Variants in USP3 observed in about 807,000 individuals in gnomAD.
USP3 encodes ubiquitin specific peptidase 3.
USP3 carries 20 observed loss-of-function variants against 72.3 expected under a neutral mutation model. The observed-to-expected ratio is 0.28, with a 90% CI of 0.19 to 0.40. The LOEUF (loss-of-function observed/expected upper bound fraction) is 0.40. USP3 is among the 10% of genes least tolerant of loss of function. USP3 has a pLI of 1.00. For missense variants in USP3, 479 were observed against 633.9 expected, an observed-to-expected ratio of 0.76 and a Z score of 2.62; for synonymous variants, 222 against 225.3, an observed-to-expected ratio of 0.99 and a Z score of 0.13.
intron 11 of USP3, among the ~76,000 whole-genome samples, chr15:63,585,226 A>G (rs1017506300): frequency 6.6e-6 from 1 of 152,166 alleles, no homozygotes; most frequent in African/African-American, 2.4e-5. Flanking sequence ...TTGAGAGTCC[A>G]TGTGAGTTTC....
In USP3 at chr15:63,570,544, G is replaced by A. The variant is rs372160322; in HGVS notation, c.873G>A (p.Glu291=). 2.5e-6 allele frequency: 4 copies of A among 1,614,022 alleles called. No individual in the cohort carries two copies. The African/African-American group carries it at 5.3e-5, about 22-fold the overall frequency. Residue 291 remains glutamate (E), a synonymous_variant, in exon 9 of 15, where the codon GAG becomes GAA. Transcript: ENST00000380324. The surrounding 1 kb of genome is among the most constrained non-coding windows in gnomAD (Gnocchi z 4.4). ...TTTCCCGCTCAGCAATTCTGCAGGA[G>A]AATTCTACTCTGTCTGCAAGTAACA... is the stretch of plus-strand genomic sequence containing the variant. ...NGVSRSAILQ[E]NSTLSASNKC...
At chr15:63,516,390 T>G (rs1299911774) in intron 1 of USP3, among the ~76,000 whole-genome samples, 1 of 152,212 alleles carries the variant, frequency 6.6e-6, no homozygotes, top group East Asian at 1.9e-4. Context: ...CCCTTATTTC[T>G]TGGATCCCAT....
chr15:63,514,820 A>T (rs935567262), intron 1 of USP3, among the ~76,000 whole-genome samples: 2 of 152,130 alleles, frequency 1.3e-5, no homozygotes, highest in Non-Finnish European at 2.9e-5. Flanking sequence ...TTATGACCTG[A>T]TTCATGTCTT....
intron 9 of USP3, among the ~76,000 whole-genome samples, chr15:63,572,966 AATTG>A (rs552235249): frequency 5.9e-5 from 9 of 152,272 alleles, no homozygotes; most frequent in African/African-American, 1.4e-4. Context: ...TGTGAAGATT[AATTG>A]ATTGACTAGA....
chr15:63,542,897 T>C (rs1353959922), intron 3 of USP3, among the ~76,000 whole-genome samples: 1 of 152,124 alleles, frequency 6.6e-6, no homozygotes, highest in Non-Finnish European at 1.5e-5. Flanking sequence ...GGCATAAATA[T>C]TGGAAACAAA....
At position 63,588,707 on chromosome 15, in the gene USP3, A is replaced by G. The variant is rs146327422; in HGVS notation, c.1221A>G (p.Leu407=). ...KFWIQKLPKV[L]CLHLKRFHWT... is the part of the protein sequence containing the mutation. ...ACCGCATCTCTGTCCTCCAGGTGCTATGCTTACATTTGAAAAGATTTCATT... is the reference window on the plus strand; with the variant it reads ...ACCGCATCTCTGTCCTCCAGGTGCTGTGCTTACATTTGAAAAGATTTCATT... The change falls in exon 13 of 15, where the codon CTA becomes CTG. Residue 407 remains leucine (L), a synonymous_variant. Transcript: ENST00000380324. This position sits in a 1 kb window ranked among gnomAD's most constrained non-coding sequence, Gnocchi z 4.6. 10 of 1,611,720 alleles carry G rather than the reference A, an allele frequency of 6.2e-6. No homozygotes were observed. The African/African-American group carries it at 9.3e-5, about 15-fold the overall frequency.
At chr15:63,567,040 C>G (rs879507601) in intron 8 of USP3, among the ~76,000 whole-genome samples, 4 of 152,118 alleles carry the variant, frequency 2.6e-5, no homozygotes, top group Non-Finnish European at 5.9e-5. Flanking sequence ...CTGGCACTGC[C>G]AAGACACAGA....
rs1235979512 is a variant in USP3, at chr15:63,574,004, G to T, written c.909-42G>T. 1.4e-6 allele frequency: 2 copies of T among 1,382,112 alleles called. No homozygotes were observed. The highest frequency in any genetic ancestry group is 1.4e-5 in the African/African-American group (1 of 69,194). The allele number at this position is 1,382,112 out of a possible 1,614,324, so 85.6% of individuals were successfully genotyped here. Reference sequence around the variant, plus strand: ...TAGTTTTTTAAATGTCAAAGAGATGGCTTCTTACTGAGATATTTTCCTGTG... The same window carrying T: ...TAGTTTTTTAAATGTCAAAGAGATGTCTTCTTACTGAGATATTTTCCTGTG... On this transcript the variant is annotated intron_variant, in intron 9 of 14. Transcript: ENST00000380324. This position sits in a 1 kb window ranked among gnomAD's most constrained non-coding sequence, Gnocchi z 4.6.
In USP3 at chr15:63,554,204, T is replaced by C. The variant is rs12594367; in HGVS notation, c.368+406T>C. ...ACTAGGAAGCACTATGATTTATGCA[T>C]CATTTTTAAGGGAAATTAGGTTTAA... On this transcript the variant is annotated intron_variant, in intron 4 of 14. Transcript: ENST00000380324. 7.4e-3 allele frequency among the ~76,000 whole-genome samples: 1,128 copies of C among 152,302 alleles called. 55 individuals are homozygous for C. The East Asian group carries it at 0.14, about 19-fold the overall frequency.
rs534335182 is a variant in USP3 at position 63,570,387 on chromosome 15, A to G, written c.762-46A>G. On this transcript the variant is annotated intron_variant, in intron 8 of 14. Coordinates refer to ENST00000380324, the MANE Select transcript of USP3 (RefSeq NM_006537.4). The surrounding 1 kb of genome is among the most constrained non-coding windows in gnomAD (Gnocchi z 4.4). ...CCTCTTGCTGGTGTGGCTGGGCACA[A>G]AGAGCCCTCCACCCGGCCTTATAAG... 30 of 1,611,438 alleles carry G rather than the reference A, an allele frequency of 1.9e-5. No individual in the cohort carries two copies. In the Admixed American group the frequency reaches 3.5e-4, roughly 19 times the overall value.
intron 3 of USP3, among the ~76,000 whole-genome samples, chr15:63,547,814 C>CAG (rs1461852315): frequency 8.5e-4 from 15 of 17,634 alleles, no homozygotes; most frequent in South Asian, 4.1e-3. Context: ...TAGAGAGAGG[C>CAG]ATAGAGAGAG....
intron 1 of USP3, among the ~76,000 whole-genome samples, chr15:63,513,164 T>C (rs964988883): frequency 1.3e-5 from 2 of 152,228 alleles, no homozygotes; most frequent in Non-Finnish European, 2.9e-5. Flanking sequence ...CAGCCTTCTT[T>C]GTAGAAATTG....
At position 63,590,730 on chromosome 15, in the gene USP3, T is replaced by C; in HGVS notation, c.1467T>C (p.Thr489=). 1.9e-6 allele frequency: 3 copies of C among 1,614,180 alleles called. No individual in the cohort carries two copies. Residue 489 remains threonine (T), a synonymous_variant, in exon 15 of 15, where the codon ACT becomes ACC. Coordinates refer to ENST00000380324, the MANE Select transcript of USP3 (RefSeq NM_006537.4). ...EGRWFHFNDS[T]VTLTDEETVV... is the part of the protein sequence containing the mutation. ...GCTGGTTCCACTTCAATGACAGTAC[T>C]GTAACACTGACTGACGAGGAGACTG...
At chr15:63,571,671 G>T (rs1034049433) in intron 9 of USP3, among the ~76,000 whole-genome samples, 2 of 148,406 alleles carry the variant, frequency 1.3e-5, no homozygotes, top group African/African-American at 4.8e-5. Context: ...GGTGAGAGAG[G>T]GTATATGTCT....
Position 63,590,669 on chromosome 15 carries a change from C to G in USP3, c.1406C>G (p.Ser469Cys). The change falls in exon 15 of 15, where the codon TCT becomes TGT. Residue 469 changes from serine (S) to cysteine (C), a missense_variant. Transcript: ENST00000380324. ...GTCTTTTGCCTTTACAGGGTTGGTT[C>G]TGGACATTACACAGCATACGCAACT... ...VVVHHGSGVG[S>C]GHYTAYATHE... 6.3e-7 allele frequency: 1 copy of G among 1,598,136 alleles called. No individual in the cohort carries two copies. The highest frequency in any genetic ancestry group is 8.5e-7 in the Non-Finnish European group (1 of 1,172,474).
At chr15:63,548,329 TG>T (rs972503797) in intron 3 of USP3, among the ~76,000 whole-genome samples, 1 of 150,562 alleles carries the variant, frequency 6.6e-6, no homozygotes, top group South Asian at 2.1e-4. Context: ...ATTTTTGCTT[TG>T]TTTTTTTTGG....
chr15:63,539,128 T>C (rs2066204695), intron 3 of USP3, among the ~76,000 whole-genome samples: 1 of 152,032 alleles, frequency 6.6e-6, no homozygotes. Flanking sequence ...TTTTTCGCCC[T>C]TTCCCTCAGG....
At chr15:63,510,328 C>T (rs1210861745) in intron 1 of USP3, among the ~76,000 whole-genome samples, 1 of 152,024 alleles carries the variant, frequency 6.6e-6, no homozygotes, top group Non-Finnish European at 1.5e-5. Context: ...CTAACCTGCT[C>T]GTTTTTTTTC....
intron 11 of USP3, among the ~76,000 whole-genome samples, chr15:63,580,788 A>C (rs1330637015): frequency 1.3e-5 from 2 of 151,644 alleles, no homozygotes; most frequent in African/African-American, 2.4e-5. Flanking sequence ...TCAGATCCTT[A>C]CTGAAATGTG....
Sources: gnomAD v4.1 joint callset for allele counts (sites outside exome capture counted in the v4.1 genomes callset) on GRCh38, gnomAD v4.1.1 for gene constraint, Gnocchi (gnomAD v3.1) non-coding constraint, MANE v1.5 for transcripts, NCBI Gene and HGNC (gene_info 2026-07-23, HGNC 2026-07-21) for gene names.